The following FCRL5 variants were observed in gnomAD, a reference collection of about 807,000 sequenced individuals.
FCRL5 encodes the protein Fc receptor-like protein 5.
Under a neutral mutation model 92.1 loss-of-function variants are expected in FCRL5, and 79 were observed. The observed-to-expected ratio is 0.86, with a 90% confidence interval of 0.72 to 1.03. The LOEUF is 1.03. FCRL5 is among the 50% of genes least tolerant of loss of function. The pLI is 0.00. For missense variants in FCRL5, 1,160 were observed against 1,181.1 expected, an observed-to-expected ratio of 0.98 and a Z score of 0.26; for synonymous variants, 466 against 469.3, an observed-to-expected ratio of 0.99 and a Z score of 0.09.
chr1:157,548,942 A>C (rs1651683446), intron 2 of FCRL5, among the ~76,000 whole-genome samples: 1 of 152,162 alleles, frequency 6.6e-6, no homozygotes, highest in Admixed American at 6.5e-5. Flanking sequence ...CAGGTATATA[A>C]CCAATGGACT....
intron 2 of FCRL5, among the ~76,000 whole-genome samples, chr1:157,548,389 C>T (rs1248373213): frequency 5.3e-5 from 8 of 150,716 alleles, no homozygotes; most frequent in African/African-American, 1.7e-4. Context: ...GACTTCATGT[C>T]TAAAACACCA....
intron 7 of FCRL5, among the ~76,000 whole-genome samples, chr1:157,536,908 G>A (rs1237228535): frequency 6.6e-6 from 1 of 152,184 alleles, no homozygotes; most frequent in African/African-American, 2.4e-5. Flanking sequence ...TGCAATCTCT[G>A]AACATAAATT....
chr1:157,542,589 C>T (rs1316820190), intron 6 of FCRL5: 1 of 437,866 alleles, frequency 2.3e-6, no homozygotes, highest in Non-Finnish European at 4.1e-6. Context: ...GTGGAAAGCA[C>T]AAGAAAAGCA....
chr1:157,518,732 G>T lies in FCRL5; in HGVS notation c.2711C>A (p.Ala904Asp), dbSNP rs2101592541. 5.0e-6 allele frequency: 8 copies of T among 1,613,542 alleles called. No homozygotes were observed. In the East Asian group the frequency reaches 1.6e-4, roughly 31 times the overall value. Residue 904 changes from alanine to aspartate, a missense_variant, in exon 14 of 17, where the codon GCC (alanine) becomes GAC (aspartate). Transcript: ENST00000361835. ...GTACACTGGTTGCAGCTCTTCCCAGGCTGGTACATTGTGATAGGTGGGCTC... is the reference window on the plus strand; with the variant it reads ...GTACACTGGTTGCAGCTCTTCCCAGTCTGGTACATTGTGATAGGTGGGCTC... ...SQEPTYHNVP[A>D]WEELQPVYTN...
intron 16 of FCRL5, 23 bp downstream of exon 16, chr1:157,515,819 G>A (rs202070508): frequency 4.6e-5 from 75 of 1,614,020 alleles, no homozygotes; most frequent in Non-Finnish European, 5.8e-5. Context: ...GGTGGGGGAG[G>A]GCATGCAGAA....
rs759749610 is a variant in FCRL5 at position 157,527,787 on chromosome 1, A to T, written c.1790T>A (p.Leu597Gln). The T allele has an allele frequency of 6.2e-7, 1 of 1,614,112 alleles. No homozygotes were observed. The highest frequency in any genetic ancestry group is 8.5e-7 in the Non-Finnish European group (1 of 1,179,972). Residue 597 changes from leucine (L) to glutamine (Q), a missense_variant, in exon 9 of 17, where the codon CTG becomes CAG. Transcript: ENST00000361835. ...GACATCCTCATGATAAAACCAGTAC[A>T]GGATTGGGGGAGAGCCTCTCGGGGC... ...CEAPRGSPPI[L>Q]YWFYHEDVTL...
Position 157,518,417 on chromosome 1 carries a change from C to G in FCRL5, c.2812+12G>C. ...GAGGGTGGGCCAGAACAGAGACATC[C>G]TTGGGTCTTACCTGCATGTTTCTTT... On this transcript the variant is annotated intron_variant, in intron 15 of 16. Transcript: ENST00000361835. 6.2e-7 allele frequency: 1 copy of G among 1,610,788 alleles called. No homozygotes were observed. The highest frequency in any genetic ancestry group is 8.5e-7 in the Non-Finnish European group (1 of 1,176,932).
At chr1:157,528,877 A>T (rs983714491) in intron 8 of FCRL5, among the ~76,000 whole-genome samples, 4 of 152,050 alleles carry the variant, frequency 2.6e-5, no homozygotes, top group African/African-American at 9.7e-5. Flanking sequence ...ACTTTAAAAA[A>T]CTCTTCTAGA....
chr1:157,544,637 AG>A (rs1291647700), intron 4 of FCRL5, 91 bp from the exon 5 acceptor site: 2 of 1,488,382 alleles, frequency 1.3e-6, no homozygotes, highest in African/African-American at 1.4e-5. Context: ...ATCCAAAAGC[AG>A]GCAAAGAAAG....
rs1650347514 is a variant in FCRL5, at chr1:157,524,549, A to T, written c.1969T>A (p.Ser657Thr). ...TISLSVIVPV[S>T]RPILTFRAPR... The stretch of plus-strand genomic sequence containing the variant: ...GCCCTGAAGGTGAGGATGGGACGAG[A>T]TACTGGAACTGAGGGAGGAAAAACG... The change falls in exon 10 of 17, where the codon TCT becomes ACT. Residue 657 changes from serine to threonine, a missense_variant. Ser to Thr is a moderately conservative substitution (Grantham distance 58). Transcript: ENST00000361835. 2 of 1,589,004 alleles carry T rather than the reference A, an allele frequency of 1.3e-6. No individual in the cohort carries two copies. Among genetic ancestry groups the T allele is most frequent in the Non-Finnish European group, 1.7e-6 (2 of 1,166,302 alleles).
chr1:157,516,059 C>T, intron 15 of FCRL5, 186 bp from the exon 16 acceptor site: 1 of 676,406 alleles, frequency 1.5e-6, no homozygotes, highest in Non-Finnish European at 2.7e-6. Context: ...CCTCTCAGCA[C>T]TGACAGACCC....
intron 2 of FCRL5, 68 bp from the exon 3 acceptor site, chr1:157,547,265 T>G (rs1468836530): frequency 5.0e-6 from 8 of 1,587,402 alleles, no homozygotes; most frequent in African/African-American, 2.7e-5. Flanking sequence ...GGCCTCCTGC[T>G]GCATAGCCTG....
Position 157,542,785 on chromosome 1 carries a change from G to A in FCRL5, c.1123+74C>T, listed in dbSNP as rs1651328267. The A allele has an allele frequency of 7.2e-6, 11 of 1,524,810 alleles. No individual in the cohort carries two copies. In the Admixed American group the frequency reaches 2.1e-4, roughly 29 times the overall value. 94.5% of individuals were successfully genotyped at this position (1,524,810 alleles called of 1,614,324 possible). A position where few individuals can be genotyped will look rare whatever the true frequency, so the allele number is the denominator to read the frequency against. The stretch of plus-strand genomic sequence containing the variant: ...AAACTGAGGATACTGGAAGGTATAT[G>A]CTGACTTCCGAAGGGCAGGGTGAGG... On this transcript the variant is annotated intron_variant, in intron 6 of 16. Coordinates refer to ENST00000361835, the MANE Select transcript of FCRL5 (RefSeq NM_031281.3).
intron 15 of FCRL5, 98 bp from the exon 16 acceptor site, chr1:157,515,971 G>A (rs1266854500): frequency 2.6e-5 from 35 of 1,334,798 alleles, no homozygotes; most frequent in Non-Finnish European, 3.0e-5. Flanking sequence ...CTGGAGGCCC[G>A]CTCTCCCTCT....
Position 157,550,277 on chromosome 1 carries a change from G to A in FCRL5, c.32-697C>T, listed in dbSNP as rs115583055. On this transcript the variant is annotated intron_variant, in intron 1 of 16. Coordinates refer to ENST00000361835, the MANE Select transcript of FCRL5 (RefSeq NM_031281.3). Reference sequence around the variant, plus strand: ...ATGGTTTCAAGGAGGAGATTGACAAGGTTAGAATTTCAGACTTTGATGGAG... The same window carrying A: ...ATGGTTTCAAGGAGGAGATTGACAAAGTTAGAATTTCAGACTTTGATGGAG... 4.2e-3 allele frequency among the ~76,000 whole-genome samples: 645 copies of A among 152,254 alleles called. 2 individuals carry two copies. The highest frequency in any genetic ancestry group is 0.015 in the African/African-American group (618 of 41,540).
chr1:157,546,962 C>T lies in FCRL5; in HGVS notation c.288G>A (p.Val96=). ...TCTCACCTGAAGAAAAATCCAAGTG[C>T]ACAGGGCTACTGAGAGGGGAGCCCT... The part of the protein sequence containing the change: ...QAQGSPLSSP[V]HLDFSSASLI... The change falls in exon 3 of 17, where the codon GTG becomes GTA. Residue 96 remains valine (V), a synonymous_variant. Transcript: ENST00000361835. 1 of 1,613,650 alleles carries T rather than the reference C, an allele frequency of 6.2e-7. No individual in the cohort carries two copies. Among genetic ancestry groups the T allele is most frequent in the Admixed American group, 1.7e-5 (1 of 59,984 alleles).
intron 1 of FCRL5, among the ~76,000 whole-genome samples, chr1:157,551,227 G>C (rs1335135125): frequency 6.6e-6 from 1 of 152,178 alleles, no homozygotes; most frequent in Non-Finnish European, 1.5e-5. Flanking sequence ...TTTGAACCTA[G>C]ATCCTGTTTG....
chr1:157,518,657 C>T (rs1650040915), intron 14 of FCRL5, 43 bp downstream of exon 14: 4 of 1,572,528 alleles, frequency 2.5e-6, no homozygotes, highest in Middle Eastern at 1.8e-4. Flanking sequence ...TTTCCCACAC[C>T]AGCCCTCCAG....
chr1:157,515,649 A>T lies in FCRL5; in HGVS notation c.*26T>A. 1 of 1,614,226 alleles carries T rather than the reference A, an allele frequency of 6.2e-7. No homozygotes were observed. The highest frequency in any genetic ancestry group is 1.1e-5 in the South Asian group (1 of 91,080). ...GGGAACTTTGGGGTGCAGAGGCTGA[A>T]ACAGCAGTTGGAGAGACGTGTGGAC... On this transcript the variant is annotated 3_prime_UTR_variant, in exon 17 of 17. Coordinates refer to ENST00000361835, the MANE Select transcript of FCRL5 (RefSeq NM_031281.3).
Sources: allele counts gnomAD v4.1 joint callset (sites outside exome capture counted in the v4.1 genomes callset), GRCh38; gene constraint gnomAD v4.1.1; transcripts MANE v1.5; gene names NCBI Gene and HGNC (gene_info 2026-07-23, HGNC 2026-07-21).